The following VAV3 variants were observed in gnomAD, a reference collection of about 807,000 sequenced individuals.
VAV3 encodes guanine nucleotide exchange factor VAV3.
A neutral mutation model predicts 131.2 loss-of-function variants in VAV3; 94 were observed. The ratio of observed to expected loss-of-function variants is 0.72; its 90% CI spans 0.61 to 0.85. The LOEUF (loss-of-function observed/expected upper bound fraction) is 0.85, where lower values mean the gene tolerates loss of function less well. Among genes scored for constraint, VAV3 ranks in the 40% least tolerant of loss-of-function variants. The pLI is 0.00. For synonymous variants in VAV3, 349 were observed against 342.0 expected (o/e 1.02, Z -0.22); for missense variants, 939 against 1,002.7 (o/e 0.94, Z 0.86).
At chr1:107,823,113 C>A (rs1001354629) in intron 2 of VAV3, among the ~76,000 whole-genome samples, 5 of 151,996 alleles carry the variant, frequency 3.3e-5, no homozygotes, top group African/African-American at 1.2e-4. Flanking sequence ...GATGAGAAAG[C>A]GCTTCAAAGT....
intron 20 of VAV3, among the ~76,000 whole-genome samples, chr1:107,624,458 G>A (rs866625944): frequency 6.7e-6 from 1 of 149,334 alleles, no homozygotes; most frequent in East Asian, 2.0e-4. Flanking sequence ...AAAAAAATTT[G>A]GCAACAAAAA....
chr1:107,638,750 T>C (rs1324228340), intron 20 of VAV3, among the ~76,000 whole-genome samples: 2 of 151,968 alleles, frequency 1.3e-5, no homozygotes, highest in Non-Finnish European at 2.9e-5. Flanking sequence ...AAGAACAAAT[T>C]TGGACTAACA....
At chr1:107,770,783 T>A in intron 5 of VAV3, 55 bp from the exon 6 acceptor site, 5 of 1,422,574 alleles carry the variant, frequency 3.5e-6, no homozygotes, top group Non-Finnish European at 4.9e-6. Flanking sequence ...TATTAACCTA[T>A]CGGGAAGTAG....
intron 25 of VAV3, among the ~76,000 whole-genome samples, chr1:107,587,284 G>A (rs996017944): frequency 6.6e-6 from 1 of 152,210 alleles, no homozygotes; most frequent in Admixed American, 6.5e-5. Flanking sequence ...GAGCAAGAGA[G>A]CTGCAGAGTT....
intron 1 of VAV3, among the ~76,000 whole-genome samples, chr1:107,908,320 G>C (rs1359611236): frequency 6.6e-6 from 1 of 152,158 alleles, no homozygotes; most frequent in Non-Finnish European, 1.5e-5. Context: ...CCACTGTAGG[G>C]CTATAGGTGG....
At chr1:107,719,138 T>C (rs1277385762) in intron 15 of VAV3, among the ~76,000 whole-genome samples, 1 of 152,186 alleles carries the variant, frequency 6.6e-6, no homozygotes, top group Non-Finnish European at 1.5e-5. Flanking sequence ...ATTCAGGACA[T>C]AGGCATGGGC....
intron 1 of VAV3, among the ~76,000 whole-genome samples, chr1:107,936,831 G>A (rs1008006108): frequency 5.9e-5 from 9 of 152,110 alleles, no homozygotes; most frequent in Non-Finnish European, 1.2e-4. Context: ...ATGCCTCATC[G>A]CAAACCACAG....
chr1:107,928,953 T>C (rs1673288492), intron 1 of VAV3, among the ~76,000 whole-genome samples: 1 of 152,004 alleles, frequency 6.6e-6, no homozygotes, highest in Non-Finnish European at 1.5e-5. Flanking sequence ...CTCAAGGTAT[T>C]TGAAAATCAA....
intron 2 of VAV3, among the ~76,000 whole-genome samples, chr1:107,798,841 C>T (rs1666690982): frequency 6.6e-6 from 1 of 150,470 alleles, no homozygotes; most frequent in South Asian, 2.1e-4. Flanking sequence ...CATTTCTATA[C>T]TGTTAGAAAT....
At chr1:107,807,183 T>C (rs1449791613) in intron 2 of VAV3, among the ~76,000 whole-genome samples, 1 of 152,130 alleles carries the variant, frequency 6.6e-6, no homozygotes, top group African/African-American at 2.4e-5. Flanking sequence ...TCAGGGTACT[T>C]CTCTAAGAAA....
At chr1:107,783,695 C>T (rs1219967120) in intron 2 of VAV3, among the ~76,000 whole-genome samples, 3 of 151,958 alleles carry the variant, frequency 2.0e-5, no homozygotes, top group Non-Finnish European at 2.9e-5. Context: ...CATAGGACCC[C>T]GGACATAACT....
chr1:107,814,381 T>C (rs75700031), intron 2 of VAV3, among the ~76,000 whole-genome samples: 14,198 of 152,188 alleles, frequency 0.093, 843 homozygotes, highest in East Asian at 0.26. Context: ...TGGTTTTGAT[T>C]TGCATTTCCC....
chr1:107,752,214 A>G (rs921313219), intron 12 of VAV3, among the ~76,000 whole-genome samples: 1 of 152,232 alleles, frequency 6.6e-6, no homozygotes, highest in African/African-American at 2.4e-5. Flanking sequence ...GATTTCCAAC[A>G]AGGTTAACAC....
At chr1:107,805,679 A>C (rs1667026267) in intron 2 of VAV3, among the ~76,000 whole-genome samples, 1 of 151,970 alleles carries the variant, frequency 6.6e-6, no homozygotes. Flanking sequence ...TTCTTTGTCC[A>C]TTTGGGGAGG....
chr1:107,649,562 T>C (rs1656002898), intron 19 of VAV3, among the ~76,000 whole-genome samples: 1 of 151,032 alleles, frequency 6.6e-6, no homozygotes, highest in Non-Finnish European at 1.5e-5. Context: ...TCCCCTTGGC[T>C]TTTTTTTTGT....
rs11357806 is a variant in VAV3, at chr1:107,879,711, CAA to C, written c.205-4696_205-4695del. 3.3e-4 allele frequency among the ~76,000 whole-genome samples: 50 copies of C among 150,688 alleles called. No homozygotes were observed. The South Asian group carries it at 3.3e-3, about 10-fold the overall frequency. On this transcript the variant is annotated intron_variant, in intron 1 of 26. Coordinates refer to ENST00000370056, the MANE Select transcript of VAV3 (RefSeq NM_006113.5). Reference sequence around the variant, plus strand: ...GTTTCATAACCATACCTATTTTTGACAAAAAAAAAAATTGTACAACTTTGCTA... The same window carrying C: ...GTTTCATAACCATACCTATTTTTGACAAAAAAAAATTGTACAACTTTGCTA...
chr1:107,717,384 A>T (rs192800951), intron 15 of VAV3, among the ~76,000 whole-genome samples: 4 of 152,274 alleles, frequency 2.6e-5, no homozygotes, highest in African/African-American at 9.6e-5. Context: ...TAGTGCTATA[A>T]ATTTCCCTCT....
intron 1 of VAV3, among the ~76,000 whole-genome samples, chr1:107,894,514 C>T (rs1671475548): frequency 6.6e-6 from 1 of 152,100 alleles, no homozygotes; most frequent in African/African-American, 2.4e-5. Context: ...CAAGAAATTT[C>T]ATTATGATGA....
intron 15 of VAV3, among the ~76,000 whole-genome samples, chr1:107,726,891 C>T (rs1387852343): frequency 1.3e-5 from 2 of 152,152 alleles, no homozygotes; most frequent in South Asian, 2.1e-4. Flanking sequence ...AGGGACCATG[C>T]TATCATTGTC....
Sources: allele counts gnomAD v4.1 joint callset (sites outside exome capture counted in the v4.1 genomes callset), GRCh38; gene constraint gnomAD v4.1.1; transcripts MANE v1.5; gene names NCBI Gene and HGNC (gene_info 2026-07-23, HGNC 2026-07-21).